Variants in SLC16A9 observed in about 807,000 individuals in gnomAD.
The protein encoded by SLC16A9 is solute carrier family 16 member 9.
A neutral mutation model predicts 44.3 loss-of-function variants in SLC16A9; 26 were observed. That is an observed-to-expected ratio of 0.59 (90% confidence interval 0.43 to 0.81). SLC16A9 has a LOEUF of 0.81. Among genes scored for constraint, SLC16A9 ranks in the 40% least tolerant of loss-of-function variants. The probability of loss-of-function intolerance (pLI) is 0.00; values close to 1 mark genes in which losing one functional copy is unlikely to be tolerated. For synonymous variants in SLC16A9, 230 were observed against 225.1 expected, an observed-to-expected ratio of 1.02 and a Z score of -0.19; for missense variants, 559 against 595.8, an observed-to-expected ratio of 0.94 and a Z score of 0.64.
In SLC16A9 at chr10:59,672,829, A is replaced by G; in HGVS notation, c.281T>C (p.Met94Thr). The change falls in exon 3 of 6, where the codon ATG (methionine) becomes ACG (threonine). Residue 94 changes from methionine to threonine, a missense_variant. Physicochemically the swap from Met to Thr is moderately conservative, Grantham distance 81 (BLOSUM62 -1). Coordinates refer to ENST00000395348, the MANE Select transcript of SLC16A9 (RefSeq NM_194298.3). ...FSGFMVAGGL[M>T]LSSFAPNIYF... ...GATATTGGGAGCAAAACTGCTCAAC[A>G]TCAGGCCTCCAGCCACCATGAAGCC... 1 of 1,613,954 alleles carries G rather than the reference A, an allele frequency of 6.2e-7. No individual in the cohort carries two copies. The highest frequency in any genetic ancestry group is 1.1e-5 in the South Asian group (1 of 91,046).
chr10:59,689,232 G>A (rs1037429896), intron 1 of SLC16A9, among the ~76,000 whole-genome samples: 16 of 152,152 alleles, frequency 1.1e-4, no homozygotes, highest in Non-Finnish European at 7.3e-5. Context: ...TGTCACTCTA[G>A]TACCCTCCTC....
At chr10:59,672,950 T>C in intron 2 of SLC16A9, 37 bp from the exon 3 acceptor site, 3 of 1,573,936 alleles carry the variant, frequency 1.9e-6, no homozygotes, top group South Asian at 1.2e-5. Flanking sequence ...TATTATCATA[T>C]GATCCATCCA....
intron 1 of SLC16A9, among the ~76,000 whole-genome samples, chr10:59,709,044 G>A (rs1271457870): frequency 6.6e-6 from 1 of 152,194 alleles, no homozygotes; most frequent in Non-Finnish European, 1.5e-5. Flanking sequence ...CTCGCGCTCC[G>A]GACCAAGGCA....
At chr10:59,695,148 G>C (rs1213209509) in intron 1 of SLC16A9, among the ~76,000 whole-genome samples, 1 of 151,986 alleles carries the variant, frequency 6.6e-6, no homozygotes, top group East Asian at 1.9e-4. Context: ...GCCTAGGGCT[G>C]GGAGGTTTTG....
At chr10:59,683,605 C>T (rs1840069417) in intron 2 of SLC16A9, among the ~76,000 whole-genome samples, 1 of 152,106 alleles carries the variant, frequency 6.6e-6, no homozygotes, top group Non-Finnish European at 1.5e-5. Context: ...GTGATTTGAC[C>T]ACAGTGTATC....
chr10:59,700,013 CTT>C lies in SLC16A9; in HGVS notation c.-37+9464_-37+9465del, dbSNP rs1033511201. 7.2e-5 allele frequency among the ~76,000 whole-genome samples: 11 copies of C among 152,062 alleles called. No individual in the cohort carries two copies. In the South Asian group the frequency reaches 8.3e-4, roughly 12 times the overall value. On this transcript the variant is annotated intron_variant, in intron 1 of 5. Coordinates refer to ENST00000395348, the MANE Select transcript of SLC16A9 (RefSeq NM_194298.3). Reference sequence around the variant, plus strand: ...ATGGTAATGGCATTTTTCAACATCTCTTAGAATAATTTCCTGATGGAAAGAAA... The same window carrying C: ...ATGGTAATGGCATTTTTCAACATCTCAGAATAATTTCCTGATGGAAAGAAA...
At chr10:59,684,032 C>A in intron 2 of SLC16A9, 64 bp downstream of exon 2, 1 of 1,374,558 alleles carries the variant, frequency 7.3e-7, no homozygotes, top group Non-Finnish European at 1.0e-6. Flanking sequence ...GCACAATGTT[C>A]ATGATGTAGT....
rs192369155 is a variant in SLC16A9 at position 59,659,781 on chromosome 10, G to A, written c.436+4446C>T. ...CACTCCTCAGCAAATGGAAAAGAAC[G>A]GAAATCATAACAAACAGTCTCTCAG... On this transcript the variant is annotated intron_variant, in intron 4 of 5. Coordinates refer to ENST00000395348, the MANE Select transcript of SLC16A9 (RefSeq NM_194298.3). 7.9e-4 allele frequency among the ~76,000 whole-genome samples: 120 copies of A among 152,062 alleles called. 2 individuals carry two copies. Among genetic ancestry groups the A allele is most frequent in the African/African-American group, 2.1e-3 (86 of 41,508 alleles).
intron 1 of SLC16A9, among the ~76,000 whole-genome samples, chr10:59,707,548 T>C (rs1177363259): frequency 1.4e-5 from 2 of 144,838 alleles, no homozygotes; most frequent in African/African-American, 5.3e-5. Context: ...ATTTTGAAAA[T>C]TGTTAAGATG....
rs1401681082 is a variant in SLC16A9, at chr10:59,681,684, GTAT to G, written c.196+2409_196+2411del. On this transcript the variant is annotated intron_variant, in intron 2 of 5. Coordinates refer to ENST00000395348, the MANE Select transcript of SLC16A9 (RefSeq NM_194298.3). ...ATATGATGTATATGTATATGTATAT[GTAT>G]ATGTATATATATATGTATATGTATA... 3.0e-4 allele frequency among the ~76,000 whole-genome samples: 11 copies of G among 36,484 alleles called. 5 individuals are homozygous for G. Among genetic ancestry groups the G allele is most frequent in the African/African-American group, 1.5e-3 (10 of 6,524 alleles). The allele number at this position is 36,484 out of a possible 152,430, so 23.9% of individuals were successfully genotyped here.
chr10:59,693,765 G>A (rs1006402268), intron 1 of SLC16A9, among the ~76,000 whole-genome samples: 6 of 151,014 alleles, frequency 4.0e-5, no homozygotes, highest in African/African-American at 7.3e-5. Flanking sequence ...GGCTACAGGC[G>A]CCCGCCACCA....
Position 59,654,040 on chromosome 10 carries a change from T to A in SLC16A9, c.986A>T (p.Asp329Val). 6.2e-7 allele frequency: 1 copy of A among 1,614,084 alleles called. No homozygotes were observed. Among genetic ancestry groups the A allele is most frequent in the Non-Finnish European group, 8.5e-7 (1 of 1,180,042 alleles). Residue 329 changes from aspartate to valine, a missense_variant, in exon 5 of 6, where the codon GAT (aspartate) becomes GTT (valine). By Grantham distance (152) the Asp-to-Val change is radical. Coordinates refer to ENST00000395348, the MANE Select transcript of SLC16A9 (RefSeq NM_194298.3). ...GGFPPSLLME[D>V]VARSSNVKEE... The stretch of plus-strand genomic sequence containing the variant: ...TTTCACGTTTGAACTTCTTGCTACA[T>A]CTTCCATAAGTAATGAAGGTGGAAA...
At chr10:59,661,315 A>G (rs1437276481) in intron 4 of SLC16A9, among the ~76,000 whole-genome samples, 1 of 152,240 alleles carries the variant, frequency 6.6e-6, no homozygotes, top group Non-Finnish European at 1.5e-5. Context: ...GTCTCAGGAC[A>G]CAAAATCAAT....
intron 3 of SLC16A9, among the ~76,000 whole-genome samples, chr10:59,668,637 C>G (rs1173470152): frequency 6.6e-6 from 1 of 152,046 alleles, no homozygotes; most frequent in Non-Finnish European, 1.5e-5. Flanking sequence ...GTAAAACAAT[C>G]TTGTAAGATA....
chr10:59,685,718 G>A (rs1225294606), intron 1 of SLC16A9, among the ~76,000 whole-genome samples: 1 of 152,134 alleles, frequency 6.6e-6, no homozygotes, highest in East Asian at 1.9e-4. Flanking sequence ...TTTGCTTATA[G>A]GCATATTTGT....
In SLC16A9 at chr10:59,654,391, G is replaced by T. The variant is rs559499490; in HGVS notation, c.635C>A (p.Ser212Tyr). The change falls in exon 5 of 6, where the codon TCC becomes TAC. Residue 212 changes from serine to tyrosine, a missense_variant. Coordinates refer to ENST00000395348, the MANE Select transcript of SLC16A9 (RefSeq NM_194298.3). ...ATTCTTTCCTTTTTCATTGTAAATG[G>T]AGTATTTATCTGGTAGATCTTCTGG... The part of the protein sequence containing the change: ...IAPEDLPDKY[S>Y]IYNEKGKNLE... 26 of 1,613,694 alleles carry T rather than the reference G, an allele frequency of 1.6e-5. No homozygotes were observed. In the South Asian group the frequency reaches 2.5e-4, roughly 16 times the overall value.
intron 2 of SLC16A9, among the ~76,000 whole-genome samples, chr10:59,680,204 G>A (rs948922383): frequency 2.6e-5 from 4 of 152,054 alleles, no homozygotes; most frequent in African/African-American, 9.7e-5. Context: ...TTCAAGCAAG[G>A]GGAAGAAGTA....
intron 1 of SLC16A9, among the ~76,000 whole-genome samples, chr10:59,702,641 A>G (rs959986999): frequency 2.6e-5 from 4 of 152,238 alleles, no homozygotes; most frequent in South Asian, 2.1e-4. Flanking sequence ...GCTCATTGAC[A>G]TAAAGCAAAT....
intron 1 of SLC16A9, 59 bp from the exon 2 acceptor site, chr10:59,684,386 T>G: frequency 6.6e-6 from 6 of 904,338 alleles, no homozygotes; most frequent in Non-Finnish European, 4.7e-6. Flanking sequence ...GCACAGCGCT[T>G]GGGGTAAAAA....
Sources: gnomAD v4.1 joint callset for allele counts (sites outside exome capture counted in the v4.1 genomes callset) on GRCh38, gnomAD v4.1.1 for gene constraint, MANE v1.5 for transcripts, NCBI Gene and HGNC (gene_info 2026-07-23, HGNC 2026-07-21) for gene names.